The following ANKRD13B variants were observed in gnomAD, a reference collection of about 807,000 sequenced individuals.
The protein encoded by ANKRD13B is ankyrin repeat domain-containing protein 13B.
Under a neutral mutation model 74.4 loss-of-function variants are expected in ANKRD13B, and 33 were observed. The observed-to-expected ratio is 0.44, with a 90% confidence interval of 0.34 to 0.59. ANKRD13B has a LOEUF of 0.59. Among genes scored for constraint, ANKRD13B ranks in the 20% least tolerant of loss-of-function variants. The pLI is 0.02. For missense variants in ANKRD13B, 676 were observed against 877.9 expected, an observed-to-expected ratio of 0.77 and a Z score of 2.91; for synonymous variants, 341 against 362.9, an observed-to-expected ratio of 0.94 and a Z score of 0.68.
chr17:29,611,922 C>A lies in ANKRD13B; in HGVS notation c.1016C>A (p.Thr339Asn), dbSNP rs771990046. The A allele has an allele frequency of 6.2e-7, 1 of 1,614,140 alleles. No homozygotes were observed. The highest frequency in any genetic ancestry group is 8.5e-7 in the Non-Finnish European group (1 of 1,180,002). The change falls in exon 10 of 15, where the codon ACT (threonine) becomes AAT (asparagine). Residue 339 changes from threonine (T) to asparagine (N), a missense_variant. Around this residue, in one of 4 missense-constraint regions of ANKRD13B, gnomAD observed 328 missense variants for 518.4 expected, o/e 0.63. Coordinates refer to ENST00000394859, the MANE Select transcript of ANKRD13B (RefSeq NM_152345.5). This position sits in a 1 kb window ranked among gnomAD's most constrained non-coding sequence, Gnocchi z 4.3. ...AGCCAAGCCAACCCCACTGCCATCACTGCAGAAGAATACTTCAACCCCAAC... is the reference window on the plus strand; with the variant it reads ...AGCCAAGCCAACCCCACTGCCATCAATGCAGAAGAATACTTCAACCCCAAC... ...TLSQANPTAI[T>N]AEEYFNPNFE...
chr17:29,603,824 A>T (rs2034264953), intron 1 of ANKRD13B, among the ~76,000 whole-genome samples: 1 of 148,642 alleles, frequency 6.7e-6, no homozygotes, highest in Non-Finnish European at 1.5e-5. Context: ...ATCATTTCTG[A>T]GTTTTGTTTC....
At chr17:29,610,399 A>T (rs1282702927) in intron 7 of ANKRD13B, among the ~76,000 whole-genome samples, 1 of 152,112 alleles carries the variant, frequency 6.6e-6, no homozygotes, top group African/African-American at 2.4e-5. Context: ...TTGTCTCCTT[A>T]TAGAGATTGT....
rs574744744 is a variant in ANKRD13B at position 29,608,331 on chromosome 17, C to T, written c.421+91C>T. 39 of 1,545,506 alleles carry T rather than the reference C, an allele frequency of 2.5e-5. No homozygotes were observed. The highest frequency in any genetic ancestry group is 1.7e-4 in the Middle Eastern group (1 of 5,774). ...CTGGAATGTGTTCTCATAGTTCTTC[C>T]GGCGGTTCCCTCTATGCCTTAGCTC... On this transcript the variant is annotated intron_variant, in intron 4 of 14. Coordinates refer to ENST00000394859, the MANE Select transcript of ANKRD13B (RefSeq NM_152345.5). This position sits in a 1 kb window ranked among gnomAD's most constrained non-coding sequence, Gnocchi z 6.4.
rs2150907256 is a variant in ANKRD13B, at chr17:29,613,409, C to T, written c.1708C>T (p.Pro570Ser). The change falls in exon 15 of 15, where the codon CCT becomes TCT. Residue 570 changes from proline (P) to serine (S), a missense_variant. Transcript: ENST00000394859. ...TGCGCCCCCGGCGTCAGTGCCCAGC[C>T]CTCGGCCCAGCTCAGGGCCAGGTTC... ...QPAPPASVPS[P>S]RPSSGPGSGG... 2.0e-6 allele frequency: 3 copies of T among 1,512,166 alleles called. No individual in the cohort carries two copies. Among genetic ancestry groups the T allele is most frequent in the Non-Finnish European group, 2.6e-6 (3 of 1,134,828 alleles). 93.7% of individuals were successfully genotyped at this position (1,512,166 alleles called of 1,614,324 possible). A position where few individuals can be genotyped will look rare whatever the true frequency, so the allele number is the denominator to read the frequency against.
chr17:29,608,679 G>C lies in ANKRD13B; in HGVS notation c.422-172G>C. ...CGTCCCGACCTCAGGTTGCTCTTCT[G>C]TGTGAGTATGGTCTACACTGGCCAG... is the stretch of plus-strand genomic sequence containing the variant. On this transcript the variant is annotated intron_variant, in intron 4 of 14. Transcript: ENST00000394859. This position sits in a 1 kb window ranked among gnomAD's most constrained non-coding sequence, Gnocchi z 6.4. 1 of 920,352 alleles carries C rather than the reference G, an allele frequency of 1.1e-6. No individual in the cohort carries two copies. The highest frequency in any genetic ancestry group is 1.6e-6 in the Non-Finnish European group (1 of 627,368). 57.0% of individuals were successfully genotyped at this position (920,352 alleles called of 1,614,324 possible). A position where few individuals can be genotyped will look rare whatever the true frequency, so the allele number is the denominator to read the frequency against.
At chr17:29,600,755 C>T (rs1467097868) in intron 1 of ANKRD13B, among the ~76,000 whole-genome samples, 2 of 152,092 alleles carry the variant, frequency 1.3e-5, no homozygotes, top group Non-Finnish European at 2.9e-5. Flanking sequence ...CTGGCTTGCT[C>T]CTTATGTGGA....
At chr17:29,600,915 T>G (rs541832417) in intron 1 of ANKRD13B, among the ~76,000 whole-genome samples, 1 of 151,674 alleles carries the variant, frequency 6.6e-6, no homozygotes, top group East Asian at 1.9e-4. Context: ...TTTAAATATT[T>G]TACTGACTTT....
intron 7 of ANKRD13B, 27 bp from the exon 8 acceptor site, chr17:29,610,658 A>G: frequency 6.2e-7 from 1 of 1,611,592 alleles, no homozygotes. Context: ...AGAACTGCTT[A>G]TGAGCCCTTT....
rs1295475408 is a variant in ANKRD13B at position 29,612,483 on chromosome 17, G to C, written c.1340G>C (p.Arg447Pro). 8 of 1,594,746 alleles carry C rather than the reference G, an allele frequency of 5.0e-6. No homozygotes were observed. Among genetic ancestry groups the C allele is most frequent in the Non-Finnish European group, 6.8e-6 (8 of 1,170,696 alleles). ...NGCDEPVPSV[R>P]GSPSSETPSP... ...TGCGACGAACCGGTGCCATCGGTGC[G>C]AGGCAGCCCCAGCAGCGAGACGCCT... is the stretch of plus-strand genomic sequence containing the variant. Residue 447 changes from arginine to proline, a missense_variant, in exon 12 of 15, where the codon CGA (arginine) becomes CCA (proline). Around this residue, in one of 4 missense-constraint regions of ANKRD13B, gnomAD observed 152 missense variants for 181.4 expected, o/e 0.84. Transcript: ENST00000394859. The surrounding 1 kb of genome is among the most constrained non-coding windows in gnomAD (Gnocchi z 6.1).
intron 1 of ANKRD13B, among the ~76,000 whole-genome samples, chr17:29,607,076 CA>C (rs1439762031): frequency 2.0e-5 from 3 of 151,782 alleles, no homozygotes; most frequent in South Asian, 2.1e-4. Context: ...AAAAAAACCC[CA>C]AAAAAAGCTT....
Position 29,608,717 on chromosome 17 carries a change from G to T in ANKRD13B, c.422-134G>T. 2 of 1,266,084 alleles carry T rather than the reference G, an allele frequency of 1.6e-6. No individual in the cohort carries two copies. Among genetic ancestry groups the T allele is most frequent in the Non-Finnish European group, 2.2e-6 (2 of 925,952 alleles). 78.4% of individuals were successfully genotyped at this position (1,266,084 alleles called of 1,614,324 possible). The stretch of plus-strand genomic sequence containing the variant: ...CTACACTGGCCAGGGAGGGGGTTTT[G>T]GAGGAGAGGCTGCTCTCTCTTCAGT... On this transcript the variant is annotated intron_variant, in intron 4 of 14. Transcript: ENST00000394859. The surrounding 1 kb of genome is among the most constrained non-coding windows in gnomAD (Gnocchi z 6.4).
Position 29,593,579 on chromosome 17 carries a change from C to G in ANKRD13B, c.-43C>G. 9.3e-7 allele frequency: 1 copy of G among 1,075,886 alleles called. No individual in the cohort carries two copies. The highest frequency in any genetic ancestry group is 1.2e-6 in the Non-Finnish European group (1 of 864,570). 66.6% of individuals were successfully genotyped at this position (1,075,886 alleles called of 1,614,324 possible). A position where few individuals can be genotyped will look rare whatever the true frequency, so the allele number is the denominator to read the frequency against. On this transcript the variant is annotated 5_prime_UTR_variant, in exon 1 of 15. Coordinates refer to ENST00000394859, the MANE Select transcript of ANKRD13B (RefSeq NM_152345.5). ...GGGCCCCGGCTCCGGCGCCGTCCCT[C>G]CTCCCCGGCCGGGCGCCGCGGCCCC...
chr17:29,612,209 G>T lies in ANKRD13B; in HGVS notation c.1194G>T (p.Ala398=), dbSNP rs776199636. ...PIIDLMAVSN[A]LFAKLRDFIT... ...TTGACCTCATGGCCGTCAGCAATGC[G>T]CTTTTTGCCAAGCTCCGGGACTTCA... The change falls in exon 11 of 15, where the codon GCG becomes GCT. Residue 398 remains alanine (A), a synonymous_variant. Transcript: ENST00000394859. The surrounding 1 kb of genome is among the most constrained non-coding windows in gnomAD (Gnocchi z 6.1). The T allele has an allele frequency of 6.2e-7, 1 of 1,614,010 alleles. No individual in the cohort carries two copies. The highest frequency in any genetic ancestry group is 1.1e-5 in the South Asian group (1 of 91,094).
Position 29,608,067 on chromosome 17 carries a change from A to C in ANKRD13B, c.332A>C (p.Lys111Thr). ...LRYRDYQRVV[K>T]RLAGIPVLLE... ...TACCGGGACTACCAGCGGGTGGTGA[A>C]GCGGCTGGCGGGCATCCCCGTGCTC... The change falls in exon 3 of 15, where the codon AAG becomes ACG. Residue 111 changes from lysine (K) to threonine (T), a missense_variant. Physicochemically the swap from Lys to Thr is moderately conservative, Grantham distance 78. Around this residue, in one of 4 missense-constraint regions of ANKRD13B, gnomAD observed 328 missense variants for 518.4 expected, o/e 0.63. Transcript: ENST00000394859. This position sits in a 1 kb window ranked among gnomAD's most constrained non-coding sequence, Gnocchi z 6.4. 1.2e-6 allele frequency: 2 copies of C among 1,613,278 alleles called. No individual in the cohort carries two copies.
At chr17:29,596,332 G>A (rs2033954012) in intron 1 of ANKRD13B, among the ~76,000 whole-genome samples, 1 of 152,238 alleles carries the variant, frequency 6.6e-6, no homozygotes, top group Admixed American at 6.5e-5. Context: ...GGGGCACCCA[G>A]CAGTGCTGTG....
At chr17:29,597,795 C>G (rs993214818) in intron 1 of ANKRD13B, among the ~76,000 whole-genome samples, 12 of 150,308 alleles carry the variant, frequency 8.0e-5, no homozygotes, top group Non-Finnish European at 1.3e-4. Context: ...GTATGGGGTG[C>G]TGAGCCATCC....
chr17:29,608,134 C>T lies in ANKRD13B; in HGVS notation c.375+24C>T. 6.2e-7 allele frequency: 1 copy of T among 1,613,772 alleles called. No individual in the cohort carries two copies. The highest frequency in any genetic ancestry group is 8.5e-7 in the Non-Finnish European group (1 of 1,179,748). On this transcript the variant is annotated intron_variant, in intron 3 of 14. Coordinates refer to ENST00000394859, the MANE Select transcript of ANKRD13B (RefSeq NM_152345.5). This position sits in a 1 kb window ranked among gnomAD's most constrained non-coding sequence, Gnocchi z 6.4. ...AGGTGAGGCCCAGCCTCTCAGCCTCCACGGGAGCCCTTGAGCCCTTCTCCA... is the reference window on the plus strand; with the variant it reads ...AGGTGAGGCCCAGCCTCTCAGCCTCTACGGGAGCCCTTGAGCCCTTCTCCA...
chr17:29,604,758 G>T (rs1004477262), intron 1 of ANKRD13B, among the ~76,000 whole-genome samples: 2 of 151,788 alleles, frequency 1.3e-5, no homozygotes, highest in East Asian at 3.9e-4. Context: ...GGCCAGGCTG[G>T]TCTTGAACTC....
chr17:29,611,902 A>G lies in ANKRD13B; in HGVS notation c.996A>G (p.Gln332=). The change falls in exon 10 of 15, where the codon CAA becomes CAG. Residue 332 remains glutamine, a synonymous_variant. Transcript: ENST00000394859. The surrounding 1 kb of genome is among the most constrained non-coding windows in gnomAD (Gnocchi z 4.3). ...NGTLITQTLS[Q]ANPTAITAEE... ...CCCTGATCACTCAGACTCTGAGCCA[A>G]GCCAACCCCACTGCCATCACTGCAG... is the stretch of plus-strand genomic sequence containing the variant. 1.9e-6 allele frequency: 3 copies of G among 1,613,424 alleles called. No individual in the cohort carries two copies. Among genetic ancestry groups the G allele is most frequent in the Non-Finnish European group, 2.5e-6 (3 of 1,179,644 alleles).
Sources: gnomAD v4.1 joint callset for allele counts (sites outside exome capture counted in the v4.1 genomes callset) on GRCh38, gnomAD v4.1.1 for gene constraint, gnomAD v4.1.1 regional missense constraint, Gnocchi (gnomAD v3.1) non-coding constraint, MANE v1.5 for transcripts, NCBI Gene and HGNC (gene_info 2026-07-23, HGNC 2026-07-21) for gene names.